The following CAMK4 variants were observed in gnomAD, a reference collection of about 807,000 sequenced individuals.
CAMK4 encodes calcium/calmodulin-dependent protein kinase type IV.
Under a neutral mutation model 44.9 loss-of-function variants are expected in CAMK4, and 22 were observed. The observed-to-expected ratio is 0.49, with a 90% CI of 0.35 to 0.70. CAMK4 has a LOEUF of 0.70. CAMK4 is among the 30% of genes least tolerant of loss of function. The pLI is 0.01. For missense variants in CAMK4, 498 were observed against 586.8 expected, an observed-to-expected ratio of 0.85 and a Z score of 1.56; for synonymous variants, 218 against 215.4, an observed-to-expected ratio of 1.01 and a Z score of -0.11.
At chr5:111,381,966 G>C (rs1436365977) in intron 4 of CAMK4, among the ~76,000 whole-genome samples, 1 of 152,136 alleles carries the variant, frequency 6.6e-6, no homozygotes, top group African/African-American at 2.4e-5. Context: ...GAGGCAACCA[G>C]ACTGTCTTCT....
chr5:111,423,166 T>C (rs1442962649), intron 5 of CAMK4, among the ~76,000 whole-genome samples: 1 of 152,248 alleles, frequency 6.6e-6, no homozygotes, highest in African/African-American at 2.4e-5. Flanking sequence ...TCCAAATGTT[T>C]AATTATTCAA....
At chr5:111,275,068 T>C (rs980622696) in intron 1 of CAMK4, among the ~76,000 whole-genome samples, 24 of 152,138 alleles carry the variant, frequency 1.6e-4, no homozygotes, top group African/African-American at 5.8e-4. Flanking sequence ...CATGTATACA[T>C]TGTAGAATGA....
chr5:111,475,714 C>A (rs763151862), intron 8 of CAMK4, among the ~76,000 whole-genome samples: 2 of 152,176 alleles, frequency 1.3e-5, no homozygotes, highest in Non-Finnish European at 2.9e-5. Context: ...AGGCCCTAAG[C>A]CTGAGGACGT....
chr5:111,334,141 A>G (rs942161533), intron 1 of CAMK4, among the ~76,000 whole-genome samples: 3 of 151,526 alleles, frequency 2.0e-5, no homozygotes, highest in Non-Finnish European at 3.0e-5. Context: ...TCATTCCTTG[A>G]CATGATATAT....
chr5:111,344,815 A>C (rs1216971365), intron 2 of CAMK4, among the ~76,000 whole-genome samples: 1 of 151,812 alleles, frequency 6.6e-6, no homozygotes, highest in Non-Finnish European at 1.5e-5. Context: ...AAATGCCAAC[A>C]CCTGTGTAAT....
intron 5 of CAMK4, among the ~76,000 whole-genome samples, chr5:111,396,705 A>G (rs566464395): frequency 1.7e-5 from 2 of 118,400 alleles, no homozygotes; most frequent in Admixed American, 2.4e-4. Context: ...CAATGACGTG[A>G]TCTTGGCTCA....
chr5:111,464,675 A>G (rs1754761623), intron 7 of CAMK4, among the ~76,000 whole-genome samples: 1 of 152,218 alleles, frequency 6.6e-6, no homozygotes, highest in African/African-American at 2.4e-5. Flanking sequence ...TCTAAACTCA[A>G]AGAGAACACG....
intron 1 of CAMK4, among the ~76,000 whole-genome samples, chr5:111,281,385 T>C (rs538726280): frequency 5.9e-5 from 9 of 152,322 alleles, no homozygotes; most frequent in African/African-American, 2.2e-4. Flanking sequence ...CACTTGTAAG[T>C]GATATAGTAC....
At position 111,435,360 on chromosome 5, in the gene CAMK4, C is replaced by G. The variant is rs558554833; in HGVS notation, c.460-11326C>G. On this transcript the variant is annotated intron_variant, in intron 5 of 10. Transcript: ENST00000282356. ...TCTTTCTCCAGTACATTCCAAATAT[C>G]TACTCTTATTTTTTAATATTATTTA... is the stretch of plus-strand genomic sequence containing the variant. Among the ~76,000 whole-genome samples, 393 of 152,088 alleles carry G rather than the reference C, an allele frequency of 2.6e-3. 2 individuals are homozygous for G. The highest frequency in any genetic ancestry group is 9.0e-3 in the African/African-American group (374 of 41,532).
intron 1 of CAMK4, among the ~76,000 whole-genome samples, chr5:111,239,735 T>C (rs1246776861): frequency 6.6e-6 from 1 of 152,206 alleles, no homozygotes; most frequent in East Asian, 1.9e-4. Flanking sequence ...GCATTAGATA[T>C]TATCGATATT....
chr5:111,237,609 T>G (rs1033583129), intron 1 of CAMK4, among the ~76,000 whole-genome samples: 1 of 152,246 alleles, frequency 6.6e-6, no homozygotes, highest in South Asian at 2.1e-4. Flanking sequence ...GTTGTAGATA[T>G]CTAGGACAAG....
rs542031278 is a variant in CAMK4 at position 111,456,677 on chromosome 5, G to A, written c.625+7474G>A. Among the ~76,000 whole-genome samples the A allele has an allele frequency of 2.5e-3, 382 of 151,734 alleles. 2 individuals are homozygous for A. Among genetic ancestry groups the A allele is most frequent in the African/African-American group, 8.5e-3 (350 of 41,394 alleles). ...AATAGGGTAAACCATTAAAAAAAAG[G>A]TAGAGAAAAGAAATGGAATCTTTTT... On this transcript the variant is annotated intron_variant, in intron 7 of 10. Coordinates refer to ENST00000282356, the MANE Select transcript of CAMK4 (RefSeq NM_001744.6).
intron 1 of CAMK4, among the ~76,000 whole-genome samples, chr5:111,330,741 C>CTG (rs10694939): frequency 0.92 from 138,839 of 151,500 alleles, 63,723 homozygotes; most frequent in East Asian, 1. Flanking sequence ...CCATAGATAA[C>CTG]TACTGTAAAA....
At chr5:111,367,456 T>C (rs912676434) in intron 2 of CAMK4, among the ~76,000 whole-genome samples, 3 of 152,074 alleles carry the variant, frequency 2.0e-5, no homozygotes, top group Non-Finnish European at 2.9e-5. Context: ...ATTCAAATCA[T>C]AGCACCTAGT....
At chr5:111,455,665 C>G (rs429219) in intron 7 of CAMK4, among the ~76,000 whole-genome samples, 1 of 152,044 alleles carries the variant, frequency 6.6e-6, no homozygotes, top group Non-Finnish European at 1.5e-5. Context: ...TAGGTCTCCA[C>G]AGATATATGG....
At chr5:111,432,654 A>G (rs959739533) in intron 5 of CAMK4, among the ~76,000 whole-genome samples, 5 of 119,938 alleles carry the variant, frequency 4.2e-5, no homozygotes, top group African/African-American at 1.0e-4. Flanking sequence ...ATATGTATAT[A>G]TGTGTGTGTA....
At chr5:111,468,995 T>G (rs1163104247) in intron 7 of CAMK4, among the ~76,000 whole-genome samples, 9 of 149,340 alleles carry the variant, frequency 6.0e-5, no homozygotes, top group Admixed American at 2.7e-4. Flanking sequence ...ACAACAAAAA[T>G]TAGCTGGGCA....
chr5:111,280,012 G>A (rs1449675867), intron 1 of CAMK4, among the ~76,000 whole-genome samples: 1 of 152,128 alleles, frequency 6.6e-6, no homozygotes, highest in Non-Finnish European at 1.5e-5. Context: ...GCAGTATTGA[G>A]GTCAGAAGAT....
chr5:111,444,851 T>C (rs1376092617), intron 5 of CAMK4, among the ~76,000 whole-genome samples: 1 of 152,174 alleles, frequency 6.6e-6, no homozygotes, highest in Non-Finnish European at 1.5e-5. Context: ...GGAAAACTGA[T>C]TGACCGAGAA....
Sources: gnomAD v4.1 joint callset for allele counts (sites outside exome capture counted in the v4.1 genomes callset) on GRCh38, gnomAD v4.1.1 for gene constraint, MANE v1.5 for transcripts, NCBI Gene and HGNC (gene_info 2026-07-23, HGNC 2026-07-21) for gene names.